DDX5: variants seen among roughly 807,000 people sequenced by gnomAD.
The protein encoded by DDX5 is DEAD-box helicase 5.
Under a neutral mutation model 68.6 loss-of-function variants are expected in DDX5, and 6 were observed. The observed-to-expected ratio is 0.09, with a 90% confidence interval of 0.05 to 0.17. The LOEUF is 0.17. Among genes scored for constraint, DDX5 ranks in the 10% least tolerant of loss-of-function variants. The probability of loss-of-function intolerance (pLI) is 1.00; values close to 1 mark genes in which losing one functional copy is unlikely to be tolerated. For missense variants in DDX5, 499 were observed against 756.1 expected, an observed-to-expected ratio of 0.66 and a Z score of 3.99; for synonymous variants, 350 against 247.0, an observed-to-expected ratio of 1.42 and a Z score of -3.91.
At chr17:64,505,544 G>A (rs940323819) in intron 1 of DDX5, 1 of 622,712 alleles carries the variant, frequency 1.6e-6, no homozygotes, top group South Asian at 1.9e-5. Flanking sequence ...TTTTCTCGAC[G>A]CTGCCATTTT....
intron 1 of DDX5, chr17:64,505,415 A>T (rs2038439852): frequency 1.9e-6 from 1 of 530,756 alleles, no homozygotes; most frequent in Non-Finnish European, 3.4e-6. Context: ...GCAGGAAAAA[A>T]GAAAAGGAGG....
chr17:64,505,776 C>T, intron 1 of DDX5: 1 of 1,536,164 alleles, frequency 6.5e-7, no homozygotes, highest in Non-Finnish European at 8.7e-7. Context: ...TGCCTCGAAG[C>T]GTCCCGCTTT....
At chr17:64,505,486 G>C in intron 1 of DDX5, 1 of 574,432 alleles carries the variant, frequency 1.7e-6, no homozygotes. Flanking sequence ...CGGCGTTCCC[G>C]CTGGGGCGGC....
chr17:64,504,914 A>G (rs1401228078), intron 1 of DDX5, 72 bp from the exon 2 acceptor site: 3 of 1,462,690 alleles, frequency 2.1e-6, no homozygotes, highest in Non-Finnish European at 2.8e-6. Context: ...TTTGTCATCC[A>G]TTGGCACAAG....
intron 8 of DDX5, 49 bp from the exon 9 acceptor site, chr17:64,502,598 TGCTA>T (rs1555671321): frequency 7.6e-7 from 1 of 1,323,290 alleles, no homozygotes; most frequent in Non-Finnish European, 1.1e-6. Flanking sequence ...AAAAGACCAT[TGCTA>T]GGGCCACACA....
chr17:64,504,046 T>G lies in DDX5; in HGVS notation c.378A>C (p.Pro126=). Residue 126 remains proline (P), a synonymous_variant, in exon 4 of 13, where the codon CCA becomes CCC. Transcript: ENST00000225792. The part of the protein sequence containing the change: ...EPTAIQAQGW[P]VALSGLDMVG... Reference sequence around the variant, plus strand: ...CCATATCCAATCCACTTAGAGCAACTGGCCATCCCTGAGCTTGAATAGCAG... The same window carrying G: ...CCATATCCAATCCACTTAGAGCAACGGGCCATCCCTGAGCTTGAATAGCAG... The G allele has an allele frequency of 6.2e-7, 1 of 1,614,230 alleles. No individual in the cohort carries two copies. The highest frequency in any genetic ancestry group is 8.5e-7 in the Non-Finnish European group (1 of 1,180,022).
At chr17:64,506,670 C>CCCTTTTTTAA, upstream of DDX5, 1 of 326,790 alleles carries the variant, frequency 3.1e-6, no homozygotes, top group Non-Finnish European at 5.6e-6. Flanking sequence ...TGTCACGTGG[C>CCCTTTTTTAA]TGTACCACCC....
chr17:64,504,381 T>C, intron 2 of DDX5, 63 bp from the exon 3 acceptor site: 1 of 1,382,426 alleles, frequency 7.2e-7, no homozygotes, highest in Non-Finnish European at 1.0e-6. Flanking sequence ...AATACGTAAT[T>C]GATAAGCCCC....
rs889951412 is a variant in DDX5 at position 64,499,821 on chromosome 17, A to T, written c.*102T>A. 1.5e-5 allele frequency: 18 copies of T among 1,164,646 alleles called. No individual in the cohort carries two copies. Among genetic ancestry groups the T allele is most frequent in the Non-Finnish European group, 2.1e-5 (18 of 854,048 alleles). 72.1% of individuals were successfully genotyped at this position (1,164,646 alleles called of 1,614,324 possible). A position where few individuals can be genotyped will look rare whatever the true frequency, so the allele number is the denominator to read the frequency against. ...CCATAATTACTGCTGCACTGCAGTC[A>T]TTTCTGCAATTCCCATGTTTCTTAA... On this transcript the variant is annotated 3_prime_UTR_variant, in exon 13 of 13. Transcript: ENST00000225792.
chr17:64,501,417 C>T (rs1268983052), intron 11 of DDX5: 1 of 156,600 alleles, frequency 6.4e-6, no homozygotes, highest in African/African-American at 2.4e-5. Context: ...TTTCTTTTCC[C>T]ACTTACTATG....
intron 9 of DDX5, 27 bp downstream of exon 9, chr17:64,502,412 T>C (rs782678125): frequency 1.3e-6 from 2 of 1,546,574 alleles, no homozygotes; most frequent in Admixed American, 1.7e-5. Context: ...TTAATCAATC[T>C]GCTTCAATGG....
At chr17:64,501,654 C>A in intron 11 of DDX5, 1 of 273,318 alleles carries the variant, frequency 3.7e-6, no homozygotes, top group South Asian at 6.7e-5. Flanking sequence ...GGCAGTCATG[C>A]AAAGCATGGG....
Position 64,504,681 on chromosome 17 carries a change from G to A in DDX5, c.206C>T (p.Thr69Ile). 6.2e-7 allele frequency: 1 copy of A among 1,611,912 alleles called. No homozygotes were observed. The highest frequency in any genetic ancestry group is 8.5e-7 in the Non-Finnish European group (1 of 1,179,256). The change falls in exon 2 of 13, where the codon ACA becomes ATA. Residue 69 changes from threonine to isoleucine, a missense_variant. Thr to Ile is a moderately conservative substitution (Grantham distance 89). Around this residue, in one of 5 missense-constraint regions of DDX5, gnomAD observed 140 missense variants for 135.7 expected, o/e 1.03. Transcript: ENST00000225792. ...AAGCCACATGAATTTACTCACTGCT[G>A]TGCGCCTAGCCAAATCAGGGTGCTC... ...YQEHPDLARR[T>I]AQEVETYRRS...
rs528966068 is a variant in DDX5 at position 64,498,432 on chromosome 17, A to T, written c.*1491T>A. 1.8e-4 allele frequency among the ~76,000 whole-genome samples: 27 copies of T among 152,324 alleles called. No homozygotes were observed. The South Asian group carries it at 5.4e-3, about 30-fold the overall frequency. On this transcript the variant is annotated 3_prime_UTR_variant, in exon 13 of 13. Transcript: ENST00000225792. Reference sequence around the variant, plus strand: ...CCACGGTTAAGACATTAAACAGTAAAATATGTAATAAATGCTCCAACCTAC... The same window carrying T: ...CCACGGTTAAGACATTAAACAGTAATATATGTAATAAATGCTCCAACCTAC...
At chr17:64,505,430 G>A (rs2038441838) in intron 1 of DDX5, 2 of 544,744 alleles carry the variant, frequency 3.7e-6, no homozygotes, top group South Asian at 2.4e-5. Flanking sequence ...AGGAGGAGCC[G>A]GCGACTACCG....
rs2038246647 is a variant in DDX5 at position 64,499,678 on chromosome 17, C to G, written c.*245G>C. On this transcript the variant is annotated 3_prime_UTR_variant, in exon 13 of 13. Transcript: ENST00000225792. ...TGCATTGCCTTCATTTATTGTATTT[C>G]AAATCACTGTACATTTACTTTTGTG... is the stretch of plus-strand genomic sequence containing the variant. 5.1e-6 allele frequency: 2 copies of G among 390,066 alleles called. No individual in the cohort carries two copies. Among genetic ancestry groups the G allele is most frequent in the African/African-American group, 4.1e-5 (2 of 48,786 alleles). 24.2% of individuals were successfully genotyped at this position (390,066 alleles called of 1,614,324 possible). A position where few individuals can be genotyped will look rare whatever the true frequency, so the allele number is the denominator to read the frequency against.
chr17:64,498,836 C>T lies in DDX5; in HGVS notation c.*1087G>A, dbSNP rs890308854. On this transcript the variant is annotated 3_prime_UTR_variant, in exon 13 of 13. Transcript: ENST00000225792. Reference sequence around the variant, plus strand: ...TCCCCTGGATCTTTCTAGCAATAAACCCATGTTGAACCTACCATGAAAACT... The same window carrying T: ...TCCCCTGGATCTTTCTAGCAATAAATCCATGTTGAACCTACCATGAAAACT... Among the ~76,000 whole-genome samples the T allele has an allele frequency of 6.6e-6, 1 of 152,194 alleles. No individual in the cohort carries two copies. The highest frequency in any genetic ancestry group is 1.5e-5 in the Non-Finnish European group (1 of 68,038).
Position 64,503,411 on chromosome 17 carries a change from A to G in DDX5, c.649+19T>C. 1.2e-6 allele frequency: 2 copies of G among 1,614,116 alleles called. No homozygotes were observed. The highest frequency in any genetic ancestry group is 1.7e-6 in the Non-Finnish European group (2 of 1,179,982). On this transcript the variant is annotated intron_variant, in intron 6 of 12. Transcript: ENST00000225792. Reference sequence around the variant, plus strand: ...GATATTTAGCACCAATGACAAATAAAACCCTTTTCATTACATACCTCTCTC... The same window carrying G: ...GATATTTAGCACCAATGACAAATAAGACCCTTTTCATTACATACCTCTCTC...
At chr17:64,504,992 C>CTCCCCT (rs1555671911) in intron 1 of DDX5, 150 bp from the exon 2 acceptor site, 9 of 620,678 alleles carry the variant, frequency 1.5e-5, no homozygotes, top group African/African-American at 9.6e-5. Context: ...ATCTCTCTCT[C>CTCCCCT]TCTCAACAGC....
Sources: allele counts gnomAD v4.1 joint callset (sites outside exome capture counted in the v4.1 genomes callset), GRCh38; gene constraint gnomAD v4.1.1; regional missense constraint gnomAD v4.1.1; transcripts MANE v1.5; gene names NCBI Gene and HGNC (gene_info 2026-07-23, HGNC 2026-07-21).